NDUFAF6: variants seen among roughly 807,000 people sequenced by gnomAD.
NDUFAF6 encodes the protein NADH:ubiquinone oxidoreductase complex assembly factor 6, also known as NADH dehydrogenase (ubiquinone) complex I, assembly factor 6.
NDUFAF6 carries 45 observed loss-of-function variants against 40.8 expected under a neutral mutation model. The observed-to-expected ratio is 1.10, with a 90% CI of 0.87 to 1.42. The LOEUF is 1.42. Among genes scored for constraint, NDUFAF6 ranks in the 40% most tolerant of loss-of-function variants. NDUFAF6 has a pLI of 0.00. For missense variants in NDUFAF6, 435 were observed against 418.5 expected (o/e 1.04, Z -0.34); for synonymous variants, 185 against 155.9 (o/e 1.19, Z -1.39).
chr8:94,896,254 G>T (rs1446210210), intron 1 of NDUFAF6, among the ~76,000 whole-genome samples: 6 of 148,028 alleles, frequency 4.1e-5, no homozygotes, highest in Non-Finnish European at 9.1e-5. Context: ...CCCCGGGCCC[G>T]CCTGCCGCGC....
Position 95,025,156 on chromosome 8 carries a change from A to C in NDUFAF6, c.148A>C (p.Ser50Arg). 2 of 1,483,770 alleles carry C rather than the reference A, an allele frequency of 1.3e-6. No homozygotes were observed. Among genetic ancestry groups the C allele is most frequent in the Non-Finnish European group, 8.9e-7 (1 of 1,127,634 alleles). The allele number at this position is 1,483,770 out of a possible 1,614,324, so 91.9% of individuals were successfully genotyped here. ...EVSGRSVAAASGPGAWGTDHY... is the reference protein window; with the variant it reads ...EVSGRSVAAARGPGAWGTDHY... ...GTCTGGGCGGAGCGTGGCTGCGGCC[A>C]GCGGACCGGGCGCCTGGGGCACTGA... Residue 50 changes from serine to arginine, a missense_variant, in exon 1 of 9, where the codon AGC (serine) becomes CGC (arginine). Physicochemically the swap from Ser to Arg is moderately radical, Grantham distance 110. Coordinates refer to ENST00000396124, the MANE Select transcript of NDUFAF6 (RefSeq NM_152416.4).
chr8:95,007,915 G>T (rs920538550), intron 2 of NDUFAF6, among the ~76,000 whole-genome samples: 1 of 151,936 alleles, frequency 6.6e-6, no homozygotes, highest in Non-Finnish European at 1.5e-5. Flanking sequence ...GTAGAGACGG[G>T]GTCTCACTAT....
At chr8:94,959,621 C>G (rs1469003376) in intron 1 of NDUFAF6, among the ~76,000 whole-genome samples, 1 of 151,760 alleles carries the variant, frequency 6.6e-6, no homozygotes, top group African/African-American at 2.4e-5. Context: ...GCCTCTACCT[C>G]CTGGGCTCAA....
chr8:95,035,359 GA>G, intron 2 of NDUFAF6, 94 bp from the exon 3 acceptor site: 2 of 1,308,402 alleles, frequency 1.5e-6, no homozygotes, highest in East Asian at 4.6e-5. Flanking sequence ...TCATAATACA[GA>G]ACAGTTACAT....
At chr8:94,898,655 TG>T (rs1456105825) in intron 1 of NDUFAF6, among the ~76,000 whole-genome samples, 1 of 152,210 alleles carries the variant, frequency 6.6e-6, no homozygotes, top group African/African-American at 2.4e-5. Context: ...CTGTGCTCTT[TG>T]GAAGGAAGTC....
chr8:95,104,144 T>C (rs1219243244), downstream of NDUFAF6, among the ~76,000 whole-genome samples: 1 of 152,212 alleles, frequency 6.6e-6, no homozygotes, highest in East Asian at 1.9e-4. Flanking sequence ...CCCAAAGTAC[T>C]GGGATTAAGC....
intron 1 of NDUFAF6, chr8:94,928,882 C>T (rs937105802): frequency 5.9e-5 from 9 of 152,564 alleles, no homozygotes; most frequent in African/African-American, 2.2e-4. Flanking sequence ...GACCTGTACT[C>T]ATTTAATTAG....
chr8:95,070,226 C>T (rs1477874988), intron 9 of NDUFAF6, among the ~76,000 whole-genome samples: 7 of 152,158 alleles, frequency 4.6e-5, no homozygotes, highest in East Asian at 1.9e-4. Context: ...TTAACCTCTC[C>T]GTGCCTTCAT....
intron 2 of NDUFAF6, among the ~76,000 whole-genome samples, chr8:94,985,503 A>ATATT (rs1825798089): frequency 1.3e-4 from 1 of 7,744 alleles, no homozygotes; most frequent in Non-Finnish European, 2.3e-4. Context: ...ATATATATAT[A>ATATT]TATATATATA....
intron 2 of NDUFAF6, among the ~76,000 whole-genome samples, chr8:94,981,423 A>C (rs1825433644): frequency 6.6e-6 from 1 of 152,208 alleles, no homozygotes; most frequent in Non-Finnish European, 1.5e-5. Flanking sequence ...AGCAACAGAA[A>C]ACGGATTAAG....
intron 1 of NDUFAF6, among the ~76,000 whole-genome samples, chr8:94,976,381 G>A (rs540133699): frequency 1.6e-3 from 243 of 147,684 alleles, no homozygotes; most frequent in African/African-American, 5.7e-3. Context: ...GCGCATCCCT[G>A]TAATCCCAGC....
At chr8:95,010,293 T>C (rs1325395312) in intron 2 of NDUFAF6, among the ~76,000 whole-genome samples, 1 of 152,164 alleles carries the variant, frequency 6.6e-6, no homozygotes, top group Non-Finnish European at 1.5e-5. Context: ...TTTGCTATGT[T>C]GGCCAGCCTG....
chr8:95,054,345 T>C (rs988858910), intron 8 of NDUFAF6, among the ~76,000 whole-genome samples: 2 of 151,904 alleles, frequency 1.3e-5, no homozygotes, highest in Admixed American at 6.6e-5. Flanking sequence ...TCTACCTCAC[T>C]GGGGAACTTG....
At chr8:94,933,832 T>TGGGG (rs753070672) in intron 1 of NDUFAF6, among the ~76,000 whole-genome samples, 1 of 23,486 alleles carries the variant, frequency 4.3e-5, no homozygotes, top group African/African-American at 8.4e-5. Flanking sequence ...CCCAGCACTT[T>TGGGG]GTGGGGGGGG....
chr8:94,980,449 T>TG (rs1476354247), intron 1 of NDUFAF6, among the ~76,000 whole-genome samples: 29 of 141,370 alleles, frequency 2.1e-4, no homozygotes, highest in African/African-American at 6.3e-4. Context: ...TTTGTTTTTT[T>TG]TTTTTTTTTT....
chr8:95,069,360 A>G (rs1042389366), intron 9 of NDUFAF6: 35 of 151,944 alleles, frequency 2.3e-4, no homozygotes, highest in Non-Finnish European at 4.4e-5. Context: ...TTTAAAAACT[A>G]CGGGGGGTAA....
chr8:95,050,198 A>G (rs1831271924), intron 7 of NDUFAF6, among the ~76,000 whole-genome samples: 1 of 152,222 alleles, frequency 6.6e-6, no homozygotes, highest in Non-Finnish European at 1.5e-5. Flanking sequence ...CACCTAAGAA[A>G]TACCGATTCC....
chr8:94,904,880 A>G (rs1394755499), intron 1 of NDUFAF6, among the ~76,000 whole-genome samples: 2 of 152,154 alleles, frequency 1.3e-5, no homozygotes, highest in African/African-American at 4.8e-5. Flanking sequence ...TTAAAAAAAA[A>G]ATCATAATAG....
chr8:94,914,840 A>C (rs920577067), intron 1 of NDUFAF6, among the ~76,000 whole-genome samples: 1 of 152,048 alleles, frequency 6.6e-6, no homozygotes, highest in African/African-American at 2.4e-5. Context: ...AAAAAAAAAA[A>C]TACAAAAGTG....
Sources: gnomAD v4.1 joint callset for allele counts (sites outside exome capture counted in the v4.1 genomes callset) on GRCh38, gnomAD v4.1.1 for gene constraint, MANE v1.5 for transcripts, NCBI Gene and HGNC (gene_info 2026-07-23, HGNC 2026-07-21) for gene names.